MACROD2: variants seen among roughly 807,000 people sequenced by gnomAD.
MACROD2 encodes mono-ADP ribosylhydrolase 2, also known as ADP-ribose glycohydrolase MACROD2.
In MACROD2, 36 loss-of-function variants were observed where a neutral mutation model predicts 70.4. The observed-to-expected ratio is 0.51, with a 90% CI of 0.39 to 0.68. The LOEUF is 0.68. Ranked by LOEUF, MACROD2 falls within the 30% of genes least tolerant of loss-of-function variation. MACROD2 has a pLI of 0.00. For synonymous variants in MACROD2, 172 were observed against 178.8 expected (o/e 0.96, Z 0.30); for missense variants, 496 against 538.4 (o/e 0.92, Z 0.78).
intron 6 of MACROD2, among the ~76,000 whole-genome samples, chr20:15,328,281 A>G (rs1429775876): frequency 6.6e-6 from 1 of 152,072 alleles, no homozygotes; most frequent in African/African-American, 2.4e-5. Flanking sequence ...CTGGCTGGAC[A>G]CTGTGGCCAG....
intron 3 of MACROD2, among the ~76,000 whole-genome samples, chr20:14,095,191 C>T (rs2054205858): frequency 6.6e-6 from 1 of 151,888 alleles, no homozygotes; most frequent in African/African-American, 2.4e-5. Context: ...ATGAAGGCCA[C>T]CGAAATGATT....
At chr20:14,956,112 A>C (rs570277225) in intron 5 of MACROD2, among the ~76,000 whole-genome samples, 1 of 152,146 alleles carries the variant, frequency 6.6e-6, no homozygotes, top group East Asian at 1.9e-4. Context: ...CTAAATGGAA[A>C]ACCTAGGCTA....
At chr20:15,571,959 A>C (rs1198295957) in intron 8 of MACROD2, among the ~76,000 whole-genome samples, 1 of 152,098 alleles carries the variant, frequency 6.6e-6, no homozygotes, top group Admixed American at 6.6e-5. Context: ...TCCCAAACTT[A>C]TTTTGACCAG....
chr20:15,416,671 G>A lies in MACROD2; in HGVS notation c.541-14734G>A, dbSNP rs557178447. 1.1e-4 allele frequency among the ~76,000 whole-genome samples: 17 copies of A among 152,264 alleles called. No individual in the cohort carries two copies. In the East Asian group the frequency reaches 2.3e-3, roughly 21 times the overall value. Reference sequence around the variant, plus strand: ...TGTAATCCCAGCACTTTGGGAGGCCGAGGCAGTCGGATCACGAGGTCAGGA... The same window carrying A: ...TGTAATCCCAGCACTTTGGGAGGCCAAGGCAGTCGGATCACGAGGTCAGGA... On this transcript the variant is annotated intron_variant, in intron 6 of 17. Transcript: ENST00000684519.
At chr20:15,188,571 C>G (rs2076548908) in intron 5 of MACROD2, among the ~76,000 whole-genome samples, 1 of 152,174 alleles carries the variant, frequency 6.6e-6, no homozygotes, top group Non-Finnish European at 1.5e-5. Flanking sequence ...TCATACTTTT[C>G]AAAGATATGC....
intron 5 of MACROD2, among the ~76,000 whole-genome samples, chr20:15,027,421 G>C (rs955497708): frequency 1.3e-5 from 2 of 152,258 alleles, no homozygotes; most frequent in South Asian, 4.1e-4. Context: ...GTGGCGATAT[G>C]AGTGTGTGGT....
intron 2 of MACROD2, among the ~76,000 whole-genome samples, chr20:14,031,976 T>C (rs528292058): frequency 3.9e-5 from 6 of 152,126 alleles, no homozygotes; most frequent in African/African-American, 1.4e-4. Flanking sequence ...CTAGACAGTC[T>C]GGCATTAAGA....
chr20:15,817,793 A>G (rs956692932), intron 8 of MACROD2, among the ~76,000 whole-genome samples: 3 of 152,096 alleles, frequency 2.0e-5, no homozygotes, highest in African/African-American at 7.2e-5. Context: ...TTAAATTGCA[A>G]TTTTAATTGG....
At chr20:14,507,067 GA>G (rs550510856) in intron 4 of MACROD2, among the ~76,000 whole-genome samples, 1 of 152,224 alleles carries the variant, frequency 6.6e-6, no homozygotes, top group Admixed American at 6.5e-5. Context: ...TATTCAGAGA[GA>G]AAAAAACAGT....
chr20:14,466,531 A>G (rs189298078), intron 3 of MACROD2, among the ~76,000 whole-genome samples: 7 of 152,106 alleles, frequency 4.6e-5, no homozygotes, highest in Admixed American at 1.3e-4. Flanking sequence ...TCTTCTCTCA[A>G]CTTGTCAAAG....
At chr20:14,405,643 G>A (rs1017752199) in intron 3 of MACROD2, among the ~76,000 whole-genome samples, 1 of 152,156 alleles carries the variant, frequency 6.6e-6, no homozygotes. Flanking sequence ...ATATCTAAAT[G>A]TGCAGAAAGC....
intron 5 of MACROD2, among the ~76,000 whole-genome samples, chr20:15,205,922 C>A (rs913637515): frequency 6.6e-6 from 1 of 152,184 alleles, no homozygotes; most frequent in Admixed American, 6.5e-5. Context: ...GGTAATACAG[C>A]CTGCCACAGG....
At chr20:15,732,918 G>T (rs1982973129) in intron 8 of MACROD2, among the ~76,000 whole-genome samples, 1 of 152,050 alleles carries the variant, frequency 6.6e-6, no homozygotes, top group Non-Finnish European at 1.5e-5. Flanking sequence ...AACCCATGTG[G>T]ACCTGGTGCT....
chr20:14,770,233 T>C (rs1471444728), intron 5 of MACROD2, among the ~76,000 whole-genome samples: 1 of 151,876 alleles, frequency 6.6e-6, no homozygotes, highest in East Asian at 1.9e-4. Context: ...CTATTTTGTG[T>C]TTTGGATTAT....
intron 4 of MACROD2, among the ~76,000 whole-genome samples, chr20:14,668,674 G>A (rs1312754700): frequency 6.6e-6 from 1 of 152,078 alleles, no homozygotes. Flanking sequence ...TACAAATTTA[G>A]TTATACAAAT....
At chr20:15,922,471 A>G (rs753166760) in intron 10 of MACROD2, among the ~76,000 whole-genome samples, 8 of 152,362 alleles carry the variant, frequency 5.3e-5, no homozygotes, top group Non-Finnish European at 7.3e-5. Context: ...TGTAACATTT[A>G]TAGCACATCT....
intron 6 of MACROD2, among the ~76,000 whole-genome samples, chr20:15,281,498 A>G (rs907151235): frequency 1.3e-5 from 2 of 152,332 alleles, no homozygotes; most frequent in East Asian, 3.9e-4. Context: ...AAATTGGCCA[A>G]AACAAAGAGG....
At chr20:14,987,812 G>C (rs959364539) in intron 5 of MACROD2, among the ~76,000 whole-genome samples, 1 of 151,962 alleles carries the variant, frequency 6.6e-6, no homozygotes, top group Non-Finnish European at 1.5e-5. Flanking sequence ...TCTTCAGAAC[G>C]CTTTCATTAA....
At chr20:14,321,668 G>T (rs2082661803) in intron 3 of MACROD2, among the ~76,000 whole-genome samples, 1 of 152,112 alleles carries the variant, frequency 6.6e-6, no homozygotes, top group Non-Finnish European at 1.5e-5. Context: ...GATGCTTTAG[G>T]GCATGTAGCT....
Sources: gnomAD v4.1 joint callset for allele counts (sites outside exome capture counted in the v4.1 genomes callset) on GRCh38, gnomAD v4.1.1 for gene constraint, MANE v1.5 for transcripts, NCBI Gene and HGNC (gene_info 2026-07-23, HGNC 2026-07-21) for gene names.